Variants in NCOR2 observed in about 807,000 individuals in gnomAD.
NCOR2 encodes the protein CTG repeat protein 26.
NCOR2 carries 81 observed loss-of-function variants against 262.9 expected under a neutral mutation model. That is an observed-to-expected ratio of 0.31 (90% CI 0.26 to 0.37). The LOEUF is 0.37. Among genes scored for constraint, NCOR2 ranks in the 10% least tolerant of loss-of-function variants. NCOR2 has a pLI of 1.00. For missense variants in NCOR2, 3,385 were observed against 3,621.4 expected (o/e 0.93, Z 1.68); for synonymous variants, 1,659 against 1,559.3 (o/e 1.06, Z -1.51).
chr12:124,432,463 G>A lies in NCOR2; in HGVS notation c.883-1676C>T, dbSNP rs939588187. Among the ~76,000 whole-genome samples, 8 of 152,060 alleles carry A rather than the reference G, an allele frequency of 5.3e-5. No homozygotes were observed. The highest frequency in any genetic ancestry group is 3.3e-4 in the Admixed American group (5 of 15,278). On this transcript the variant is annotated intron_variant, in intron 8 of 46. Transcript: ENST00000405201. The surrounding 1 kb of genome is among the most constrained non-coding windows in gnomAD (Gnocchi z 5.1). ...ACAAATCCAGTAAAATTTAAGAGTCGGGCTCTAGTTCTCCCCAGCCATGCT... is the reference window on the plus strand; with the variant it reads ...ACAAATCCAGTAAAATTTAAGAGTCAGGCTCTAGTTCTCCCCAGCCATGCT...
At chr12:124,371,298 A>G (rs1312949760) in intron 20 of NCOR2, among the ~76,000 whole-genome samples, 2 of 148,612 alleles carry the variant, frequency 1.3e-5, no homozygotes, top group Admixed American at 6.9e-5. Context: ...GGGCCTTCGC[A>G]CTTGCTGTTC....
chr12:124,516,148 C>T (rs1327538351), intron 1 of NCOR2, among the ~76,000 whole-genome samples: 2 of 152,338 alleles, frequency 1.3e-5, no homozygotes, highest in South Asian at 4.1e-4. Context: ...GGGGCCTGGA[C>T]GCCCGGGGAA....
intron 1 of NCOR2, among the ~76,000 whole-genome samples, chr12:124,488,277 A>G (rs2047889894): frequency 6.6e-6 from 1 of 152,198 alleles, no homozygotes; most frequent in Admixed American, 6.5e-5. Context: ...AGTGGAATCC[A>G]TGGGGACCCT....
At chr12:124,395,594 C>T (rs560889186) in intron 16 of NCOR2, among the ~76,000 whole-genome samples, 3 of 152,294 alleles carry the variant, frequency 2.0e-5, no homozygotes, top group South Asian at 4.1e-4. Flanking sequence ...TCCTCTCCGC[C>T]GGTGAGTCAT....
chr12:124,502,488 C>T (rs574066651), intron 1 of NCOR2, among the ~76,000 whole-genome samples: 53 of 152,188 alleles, frequency 3.5e-4, no homozygotes, highest in African/African-American at 1.3e-3. Context: ...GGTGCGTCAC[C>T]AGAGGTGCCT....
Position 124,495,104 on chromosome 12 carries a change from G to T in NCOR2, c.105+43C>A, listed in dbSNP as rs1331881579. ...GAAGACTCAGTGGAATGGAAGAAGG[G>T]TCTCAAAGGTAGCCCCAGGCGCACA... On this transcript the variant is annotated intron_variant, in intron 1 of 46. Transcript: ENST00000405201. The surrounding 1 kb of genome is among the most constrained non-coding windows in gnomAD (Gnocchi z 4.4). The T allele has an allele frequency of 6.2e-7, 1 of 1,603,626 alleles. No homozygotes were observed. The highest frequency in any genetic ancestry group is 2.2e-5 in the East Asian group (1 of 44,570).
chr12:124,422,178 T>C (rs1182429927), intron 12 of NCOR2, among the ~76,000 whole-genome samples: 2 of 152,210 alleles, frequency 1.3e-5, no homozygotes, highest in Non-Finnish European at 2.9e-5. Flanking sequence ...ACGTGGCCTT[T>C]GAGGAGCTGG....
At chr12:124,472,924 C>T (rs1335956424) in intron 4 of NCOR2, 28 bp downstream of exon 6, 1 of 1,611,954 alleles carries the variant, frequency 6.2e-7, no homozygotes, top group Admixed American at 1.7e-5. Context: ...TCAGAACAAA[C>T]ACTCCCCCTC....
At chr12:124,515,881 G>A (rs571718357) in intron 1 of NCOR2, among the ~76,000 whole-genome samples, 29 of 152,270 alleles carry the variant, frequency 1.9e-4, no homozygotes, top group East Asian at 1.9e-4. Context: ...GAGCTGCCTC[G>A]TCACAAAGGC....
intron 16 of NCOR2, among the ~76,000 whole-genome samples, chr12:124,392,099 C>T (rs1414622536): frequency 2.0e-5 from 3 of 152,342 alleles, no homozygotes; most frequent in Non-Finnish European, 4.4e-5. Context: ...AGCCACGCCA[C>T]GTGACGACAG....
chr12:124,524,799 G>C lies in NCOR2; in HGVS notation c.-118+10766C>G, dbSNP rs563731613. On this transcript the variant is annotated intron_variant, in intron 1 of 46. Coordinates refer to the NCOR2 transcript ENST00000404621. Reference sequence around the variant, plus strand: ...ACTAATTCAGCTCTTGCCTCACCCAGGTGAATGCCTGAACCTCGTCCTCAC... The same window carrying C: ...ACTAATTCAGCTCTTGCCTCACCCACGTGAATGCCTGAACCTCGTCCTCAC... Among the ~76,000 whole-genome samples the C allele has an allele frequency of 2.0e-5, 3 of 152,316 alleles. No individual in the cohort carries two copies. The South Asian group carries it at 6.2e-4, about 32-fold the overall frequency.
intron 20 of NCOR2, among the ~76,000 whole-genome samples, chr12:124,364,680 A>G (rs2038882283): frequency 6.6e-6 from 1 of 152,184 alleles, no homozygotes; most frequent in Non-Finnish European, 1.5e-5. Flanking sequence ...AGCACCGGGT[A>G]TAGCACCTGC....
At chr12:124,372,513 G>A (rs773834731) in exon 20 of NCOR2, 3 of 1,592,660 alleles carry the variant, frequency 1.9e-6, no homozygotes, top group African/African-American at 2.7e-5. Flanking sequence ...CGGCGCCCAG[G>A]GTGGCTGGGG....
rs757528674 is a variant in NCOR2 at position 124,341,894 on chromosome 12, C to T, written c.5117G>A (p.Arg1706Gln). The T allele has an allele frequency of 1.4e-5, 23 of 1,612,596 alleles. No homozygotes were observed. The highest frequency in any genetic ancestry group is 8.0e-5 in the African/African-American group (6 of 74,954). Residue 1706 changes from arginine to glutamine, a missense_variant, in exon 34 of 47, where the codon CGA becomes CAA. Arg to Gln is a conservative substitution (Grantham distance 43). This residue lies in a region of NCOR2 where 1,615 missense variants were observed against 1,626.9 expected (regional missense o/e 0.99). Coordinates refer to ENST00000405201, the Ensembl canonical transcript of NCOR2. ...CGAGAGGCCCCTCAGCATATCAGCT[C>T]GCTGGGCCATGGCGGTGGCCGCGTT...
chr12:124,405,276 C>G (rs891891289), intron 13 of NCOR2, among the ~76,000 whole-genome samples: 16 of 152,232 alleles, frequency 1.1e-4, no homozygotes, highest in African/African-American at 3.6e-4. Flanking sequence ...TCTTACAGAA[C>G]AGGAAACTGA....
Position 124,457,581 on chromosome 12 carries a change from G to A in NCOR2, c.706-419C>T, listed in dbSNP as rs2045947368. On this transcript the variant is annotated intron_variant, in intron 5 of 46. Transcript: ENST00000405201. The surrounding 1 kb of genome is among the most constrained non-coding windows in gnomAD (Gnocchi z 4.0). ...AATTACCTCAGAGCTAGTGCAGCCA[G>A]CGAGGGAAGGAGGAGGAGGAGGAGG... is the stretch of plus-strand genomic sequence containing the variant. 6.6e-6 allele frequency among the ~76,000 whole-genome samples: 1 copy of A among 152,174 alleles called. No individual in the cohort carries two copies.
At position 124,325,472 on chromosome 12, in the gene NCOR2, TG is replaced by T; in HGVS notation, c.7474del (p.His2492ThrfsTer82). The T allele has an allele frequency of 7.8e-7, 1 of 1,288,700 alleles. No individual in the cohort carries two copies. The highest frequency in any genetic ancestry group is 1.9e-5 in the South Asian group (1 of 53,890). The allele number at this position is 1,288,700 out of a possible 1,614,324, so 79.8% of individuals were successfully genotyped here. On this transcript the variant is annotated frameshift_variant, in exon 47 of 47. Coordinates refer to ENST00000405201, the Ensembl canonical transcript of NCOR2. LOFTEE classifies it high-confidence loss of function. ...CTTGGGCTCCTCGTCCCAGGCGTGG[TG>T]GGGGCCAGCGAGGGGCCCGCTGCCC...
At chr12:124,565,665 T>C (rs769899306) in intron 1 of NCOR2, among the ~76,000 whole-genome samples, 3 of 152,086 alleles carry the variant, frequency 2.0e-5, no homozygotes, top group South Asian at 2.1e-4. Flanking sequence ...ACAGTAGTCA[T>C]AGTAACACAT....
At chr12:124,422,846 G>A (rs955817358) in intron 11 of NCOR2, among the ~76,000 whole-genome samples, 11 of 152,212 alleles carry the variant, frequency 7.2e-5, no homozygotes, top group Admixed American at 5.2e-4. Flanking sequence ...ATGAGGACAC[G>A]ACATGCAGCT....
Sources: gnomAD v4.1 joint callset for allele counts (sites outside exome capture counted in the v4.1 genomes callset) on GRCh38, gnomAD v4.1.1 for gene constraint, gnomAD v4.1.1 regional missense constraint, Gnocchi (gnomAD v3.1) non-coding constraint, MANE v1.5 for transcripts, NCBI Gene and HGNC (gene_info 2026-07-23, HGNC 2026-07-21) for gene names.